Variants in GMDS observed in about 807,000 individuals in gnomAD.
The protein encoded by GMDS is GDP-mannose 4,6 dehydratase.
Under a neutral mutation model 49.9 loss-of-function variants are expected in GMDS, and 20 were observed. The ratio of observed to expected loss-of-function variants is 0.40; its 90% CI spans 0.28 to 0.58. The LOEUF (loss-of-function observed/expected upper bound fraction) is 0.58. GMDS is among the 20% of genes least tolerant of loss of function. The pLI is 0.42. For synonymous variants in GMDS, 177 were observed against 178.6 expected (o/e 0.99, Z 0.07); for missense variants, 362 against 481.4 (o/e 0.75, Z 2.32).
At chr6:2,151,079 ATAGT>A (rs1222697032) in intron 1 of GMDS, among the ~76,000 whole-genome samples, 3 of 152,114 alleles carry the variant, frequency 2.0e-5, no homozygotes, top group Non-Finnish European at 2.9e-5. Context: ...GGTACAAAAA[ATAGT>A]TAGAAAGAAT....
intron 7 of GMDS, among the ~76,000 whole-genome samples, chr6:1,803,108 C>T (rs1425091516): frequency 2.6e-5 from 4 of 152,140 alleles, no homozygotes; most frequent in Admixed American, 6.5e-5. Flanking sequence ...TATGTGGAAC[C>T]TCATGCAGGC....
chr6:2,066,221 A>AG (rs1417938182), intron 4 of GMDS, among the ~76,000 whole-genome samples: 2 of 149,506 alleles, frequency 1.3e-5, no homozygotes, highest in African/African-American at 4.9e-5. Flanking sequence ...GCAAATGCTG[A>AG]GATTTTGTCA....
At chr6:2,121,671 C>A (rs1040341293) in intron 2 of GMDS, among the ~76,000 whole-genome samples, 1 of 152,202 alleles carries the variant, frequency 6.6e-6, no homozygotes, top group African/African-American at 2.4e-5. Flanking sequence ...CTTTTCAAGT[C>A]ATCTGCAAAT....
chr6:2,205,768 T>G (rs1779777644), intron 1 of GMDS, among the ~76,000 whole-genome samples: 1 of 151,824 alleles, frequency 6.6e-6, no homozygotes, highest in Non-Finnish European at 1.5e-5. Flanking sequence ...GCCTTCAGGG[T>G]GTGTGTGTGG....
chr6:1,935,787 T>C (rs1762499498), intron 6 of GMDS, among the ~76,000 whole-genome samples: 1 of 152,178 alleles, frequency 6.6e-6, no homozygotes, highest in South Asian at 2.1e-4. Flanking sequence ...CCAGCATTGA[T>C]AGAATGAGAA....
At chr6:1,926,888 T>C (rs72841981) in intron 7 of GMDS, among the ~76,000 whole-genome samples, 1,535 of 152,362 alleles carry the variant, frequency 0.01, 11 homozygotes, top group South Asian at 0.016. Flanking sequence ...ACTTGTATTA[T>C]AGAACAAATC....
intron 7 of GMDS, among the ~76,000 whole-genome samples, chr6:1,807,539 T>C (rs1215962913): frequency 2.0e-5 from 3 of 152,204 alleles, no homozygotes; most frequent in Admixed American, 6.5e-5. Flanking sequence ...TCACCCTTGT[T>C]TTGACAATAC....
intron 7 of GMDS, among the ~76,000 whole-genome samples, chr6:1,852,566 G>C (rs1401839810): frequency 6.6e-6 from 1 of 152,026 alleles, no homozygotes; most frequent in African/African-American, 2.4e-5. Context: ...CTAAAAAGGT[G>C]CGTTTCTTTA....
chr6:1,656,982 C>G (rs1298819366), intron 9 of GMDS, among the ~76,000 whole-genome samples: 1 of 152,182 alleles, frequency 6.6e-6, no homozygotes, highest in East Asian at 1.9e-4. Context: ...TGCTGGAGGT[C>G]TCAGTGGCGG....
intron 7 of GMDS, among the ~76,000 whole-genome samples, chr6:1,796,127 T>C (rs1364834162): frequency 4.6e-5 from 7 of 152,192 alleles, no homozygotes; most frequent in Non-Finnish European, 1.0e-4. Flanking sequence ...TGGAGGGCTC[T>C]GCAGCTGTGA....
At chr6:1,784,406 A>G (rs976436913) in intron 7 of GMDS, among the ~76,000 whole-genome samples, 3 of 151,414 alleles carry the variant, frequency 2.0e-5, no homozygotes, top group African/African-American at 4.9e-5. Context: ...AAAAAAAAAA[A>G]AAAAAAAAGA....
At chr6:1,718,545 G>A (rs1766255049) in intron 9 of GMDS, among the ~76,000 whole-genome samples, 1 of 152,026 alleles carries the variant, frequency 6.6e-6, no homozygotes, top group African/African-American at 2.4e-5. Flanking sequence ...GGCTGCCCTG[G>A]TTCCGTGAGT....
At chr6:1,977,567 G>A (rs993086860) in intron 4 of GMDS, among the ~76,000 whole-genome samples, 6 of 152,184 alleles carry the variant, frequency 3.9e-5, no homozygotes, top group African/African-American at 1.4e-4. Context: ...AAATACCTAG[G>A]TTATCGCATT....
intron 7 of GMDS, among the ~76,000 whole-genome samples, chr6:1,825,596 G>A (rs1419518021): frequency 6.6e-6 from 1 of 152,124 alleles, no homozygotes; most frequent in Non-Finnish European, 1.5e-5. Flanking sequence ...ATATAGTATA[G>A]CCTATTGCTC....
At chr6:1,933,696 T>G (rs575950124) in intron 6 of GMDS, among the ~76,000 whole-genome samples, 9 of 152,372 alleles carry the variant, frequency 5.9e-5, no homozygotes, top group African/African-American at 2.2e-4. Flanking sequence ...TCAGATCCTT[T>G]GTCCATTTTT....
chr6:1,909,380 CAA>C (rs1244336772), intron 7 of GMDS, among the ~76,000 whole-genome samples: 1 of 152,188 alleles, frequency 6.6e-6, no homozygotes, highest in Non-Finnish European at 1.5e-5. Flanking sequence ...CTGCCTAGTA[CAA>C]ATCAAAGACC....
intron 4 of GMDS, among the ~76,000 whole-genome samples, chr6:2,013,021 C>T (rs550993345): frequency 9.2e-5 from 14 of 152,288 alleles, no homozygotes; most frequent in Admixed American, 8.5e-4. Context: ...ATCTATCTGT[C>T]CTGTCTCCTT....
At chr6:1,701,872 A>G (rs9328066) in intron 9 of GMDS, among the ~76,000 whole-genome samples, 13,335 of 152,258 alleles carry the variant, frequency 0.088, 921 homozygotes, top group East Asian at 0.31. Flanking sequence ...TTTATATGGA[A>G]TGAAACATGT....
At chr6:1,869,958 T>G (rs1758645106) in intron 7 of GMDS, among the ~76,000 whole-genome samples, 1 of 151,882 alleles carries the variant, frequency 6.6e-6, no homozygotes, top group African/African-American at 2.4e-5. Context: ...TGCCGCAGGG[T>G]GGGTACAGCT....
Sources: allele counts gnomAD v4.1 joint callset (sites outside exome capture counted in the v4.1 genomes callset), GRCh38; gene constraint gnomAD v4.1.1; transcripts MANE v1.5; gene names NCBI Gene and HGNC (gene_info 2026-07-23, HGNC 2026-07-21).